Variants in KIAA1217 observed in about 807,000 individuals in gnomAD.
KIAA1217 encodes the protein KIAA1217, also known as sickle tail protein homolog.
In KIAA1217, 88 loss-of-function variants were observed where a neutral mutation model predicts 163.9. That is an observed-to-expected ratio of 0.54 (90% confidence interval 0.45 to 0.64). The LOEUF is 0.64. KIAA1217 is among the 30% of genes least tolerant of loss of function. KIAA1217 has a pLI of 0.00. For missense variants in KIAA1217, 2,372 were observed against 2,475.0 expected, an observed-to-expected ratio of 0.96 and a Z score of 0.88; for synonymous variants, 903 against 923.1, an observed-to-expected ratio of 0.98 and a Z score of 0.39.
intron 1 of KIAA1217, among the ~76,000 whole-genome samples, chr10:23,883,343 G>T (rs1170753652): frequency 1.3e-5 from 2 of 151,890 alleles, no homozygotes; most frequent in Non-Finnish European, 2.9e-5. Context: ...AGAATAAAAG[G>T]TGGGATGCAA....
chr10:23,844,453 C>T (rs1838927641), intron 1 of KIAA1217, among the ~76,000 whole-genome samples: 1 of 152,304 alleles, frequency 6.6e-6, no homozygotes, highest in East Asian at 1.9e-4. Flanking sequence ...CTCAAATATT[C>T]CTTGCTGAGT....
At chr10:24,222,738 G>C (rs2069832418) in intron 2 of KIAA1217, among the ~76,000 whole-genome samples, 1 of 152,136 alleles carries the variant, frequency 6.6e-6, no homozygotes, top group Non-Finnish European at 1.5e-5. Context: ...TCGAACTCCT[G>C]ACCTCAGGCG....
At chr10:24,098,898 C>T (rs908955051) in intron 2 of KIAA1217, among the ~76,000 whole-genome samples, 2 of 152,092 alleles carry the variant, frequency 1.3e-5, no homozygotes, top group Non-Finnish European at 2.9e-5. Context: ...ACAGAAAGAT[C>T]GCTTGAGACC....
intron 1 of KIAA1217, among the ~76,000 whole-genome samples, chr10:23,809,285 C>CAT (rs1207717385): frequency 6.6e-6 from 1 of 151,862 alleles, no homozygotes; most frequent in African/African-American, 2.4e-5. Context: ...TAACAAGGGA[C>CAT]ATAGGTTGGG....
chr10:24,157,631 G>A (rs893985178), intron 2 of KIAA1217, among the ~76,000 whole-genome samples: 1 of 152,018 alleles, frequency 6.6e-6, no homozygotes, highest in Non-Finnish European at 1.5e-5. Context: ...ATATATCTGA[G>A]AGAAGATACA....
intron 6 of KIAA1217, among the ~76,000 whole-genome samples, chr10:24,477,121 A>G (rs765880053): frequency 2.6e-5 from 4 of 152,166 alleles, no homozygotes; most frequent in Non-Finnish European, 5.9e-5. Context: ...TCCTCCTCCA[A>G]GGACAGCTCA....
chr10:24,416,232 A>G (rs895603247), intron 3 of KIAA1217, among the ~76,000 whole-genome samples: 1 of 152,196 alleles, frequency 6.6e-6, no homozygotes, highest in African/African-American at 2.4e-5. Flanking sequence ...CCAATATATA[A>G]ACTTTGGATA....
chr10:24,216,069 A>T lies in KIAA1217; in HGVS notation c.71-3557A>T, dbSNP rs72774812. 1.1e-3 allele frequency among the ~76,000 whole-genome samples: 169 copies of T among 152,336 alleles called. 1 individual carries two copies. The highest frequency in any genetic ancestry group is 6.8e-3 in the Middle Eastern group (2 of 294). On this transcript the variant is annotated intron_variant, in intron 1 of 20. Transcript: ENST00000376454. ...AAAATCCACAAGAAAGAGAAAAAAC[A>T]GAAAAGCAACATGAGGTGAAAAGTG...
intron 1 of KIAA1217, among the ~76,000 whole-genome samples, chr10:23,992,607 C>CTTTTTTTTT (rs368335847): frequency 7.8e-6 from 1 of 127,930 alleles, no homozygotes. Context: ...GCCATCATTT[C>CTTTTTTTTT]TTTTTTTTTT....
At chr10:23,781,323 A>T (rs1463817968) in intron 1 of KIAA1217, among the ~76,000 whole-genome samples, 1 of 152,068 alleles carries the variant, frequency 6.6e-6, no homozygotes, top group Non-Finnish European at 1.5e-5. Context: ...GTGTGGGGTG[A>T]TATCTCATTG....
chr10:23,804,348 G>T (rs762800890), intron 1 of KIAA1217, among the ~76,000 whole-genome samples: 21 of 152,192 alleles, frequency 1.4e-4, no homozygotes, highest in Admixed American at 3.9e-4. Flanking sequence ...CACTTAGCTT[G>T]CTTTGTGTAG....
chr10:23,705,006 G>T (rs979913739), intron 1 of KIAA1217, among the ~76,000 whole-genome samples: 1 of 152,024 alleles, frequency 6.6e-6, no homozygotes, highest in African/African-American at 2.4e-5. Context: ...GATTTGAAAT[G>T]GTATCTTGTG....
intron 10 of KIAA1217, among the ~76,000 whole-genome samples, chr10:24,516,836 A>G (rs1334564957): frequency 6.6e-6 from 1 of 152,204 alleles, no homozygotes; most frequent in African/African-American, 2.4e-5. Context: ...ACTAGCTCTC[A>G]AAATTCTTCT....
chr10:23,736,507 C>G (rs1838812744), intron 1 of KIAA1217, among the ~76,000 whole-genome samples: 1 of 152,026 alleles, frequency 6.6e-6, no homozygotes, highest in Non-Finnish European at 1.5e-5. Flanking sequence ...ATCACTACAC[C>G]TTTGTGATAA....
intron 1 of KIAA1217, among the ~76,000 whole-genome samples, chr10:23,999,898 A>C (rs999684336): frequency 1.3e-5 from 2 of 151,982 alleles, no homozygotes; most frequent in African/African-American, 4.8e-5. Flanking sequence ...TGTCTCTACT[A>C]AAAATTAAAA....
chr10:23,941,883 A>T (rs1456605078), intron 1 of KIAA1217, among the ~76,000 whole-genome samples: 1 of 152,192 alleles, frequency 6.6e-6, no homozygotes, highest in African/African-American at 2.4e-5. Context: ...CTAAACATTC[A>T]TCCTAAAAAT....
At chr10:24,337,650 C>CTTT (rs747582449) in intron 2 of KIAA1217, among the ~76,000 whole-genome samples, 1 of 40,886 alleles carries the variant, frequency 2.4e-5, no homozygotes, top group African/African-American at 1.9e-4. Context: ...CTTTTCTTTT[C>CTTT]TTTTTTTTTT....
intron 2 of KIAA1217, among the ~76,000 whole-genome samples, chr10:24,280,988 T>C (rs2077860372): frequency 6.6e-6 from 1 of 152,212 alleles, no homozygotes; most frequent in Non-Finnish European, 1.5e-5. Context: ...TGATAGCTAA[T>C]TTCAAATCAG....
intron 2 of KIAA1217, among the ~76,000 whole-genome samples, chr10:24,155,258 C>T (rs1032610604): frequency 2.2e-4 from 34 of 152,090 alleles, no homozygotes; most frequent in African/African-American, 7.2e-4. Context: ...AATGGCTGTC[C>T]GTAACTGGAG....
Sources: allele counts gnomAD v4.1 joint callset (sites outside exome capture counted in the v4.1 genomes callset), GRCh38; gene constraint gnomAD v4.1.1; transcripts MANE v1.5; gene names NCBI Gene and HGNC (gene_info 2026-07-23, HGNC 2026-07-21).